The following PDE4D variants were observed in gnomAD, a reference collection of about 807,000 sequenced individuals.
PDE4D encodes phosphodiesterase 4D.
In PDE4D, 24 loss-of-function variants were observed where a neutral mutation model predicts 87.4. The ratio of observed to expected loss-of-function variants is 0.27; its 90% confidence interval spans 0.20 to 0.39. The LOEUF (loss-of-function observed/expected upper bound fraction) is 0.39. PDE4D is among the 10% of genes least tolerant of loss of function. The probability of loss-of-function intolerance (pLI) is 1.00; values close to 1 mark genes in which losing one functional copy is unlikely to be tolerated. For synonymous variants in PDE4D, 384 were observed against 383.2 expected (o/e 1.00, Z -0.02); for missense variants, 714 against 1,041.0 (o/e 0.69, Z 4.32).
intron 1 of PDE4D, among the ~76,000 whole-genome samples, chr5:59,470,714 G>T (rs1477894772): frequency 6.6e-6 from 1 of 151,922 alleles, no homozygotes; most frequent in Non-Finnish European, 1.5e-5. Flanking sequence ...ATATTTCTCT[G>T]CTTTAGACAT....
intron 1 of PDE4D, among the ~76,000 whole-genome samples, chr5:59,753,430 G>A (rs1298808083): frequency 2.6e-5 from 4 of 152,194 alleles, no homozygotes; most frequent in South Asian, 2.1e-4. Context: ...AAAAAGGGGG[G>A]CACAGTAAGC....
intron 1 of PDE4D, among the ~76,000 whole-genome samples, chr5:59,876,806 T>C (rs1264141520): frequency 6.6e-6 from 1 of 152,226 alleles, no homozygotes; most frequent in African/African-American, 2.4e-5. Context: ...TCAGTAATAT[T>C]ATCTTAGGAA....
chr5:59,125,547 A>T (rs1015410649), intron 5 of PDE4D, among the ~76,000 whole-genome samples: 5 of 152,146 alleles, frequency 3.3e-5, no homozygotes, highest in African/African-American at 1.2e-4. Flanking sequence ...TGCCTGGTGC[A>T]AAGGGGGCCT....
At chr5:60,478,902 C>T (rs1406841552) in intron 1 of PDE4D, among the ~76,000 whole-genome samples, 3 of 152,108 alleles carry the variant, frequency 2.0e-5, no homozygotes, top group Non-Finnish European at 2.9e-5. Flanking sequence ...TGAACCAAAT[C>T]GAGAACATTA....
At chr5:60,051,751 T>A (rs534832444) in intron 2 of PDE4D, among the ~76,000 whole-genome samples, 1 of 151,668 alleles carries the variant, frequency 6.6e-6, no homozygotes, top group South Asian at 2.1e-4. Flanking sequence ...ATCCAGGAGC[T>A]GTTTTTTTTT....
At chr5:59,293,709 C>A (rs1255812821) in intron 1 of PDE4D, among the ~76,000 whole-genome samples, 1 of 152,142 alleles carries the variant, frequency 6.6e-6, no homozygotes, top group Non-Finnish European at 1.5e-5. Flanking sequence ...AATAACAAGG[C>A]CTCAGTAATG....
At chr5:59,565,670 C>T (rs1256942103) in intron 1 of PDE4D, among the ~76,000 whole-genome samples, 4 of 152,218 alleles carry the variant, frequency 2.6e-5, no homozygotes, top group Non-Finnish European at 5.9e-5. Flanking sequence ...GCACCTGATG[C>T]TCCTTGGCTT....
At chr5:59,022,976 C>T (rs1176533451) in intron 6 of PDE4D, among the ~76,000 whole-genome samples, 1 of 152,138 alleles carries the variant, frequency 6.6e-6, no homozygotes, top group East Asian at 1.9e-4. Flanking sequence ...GAGTTCGAGA[C>T]CAGCCTGGCC....
At chr5:59,274,725 C>T (rs1022089761) in intron 1 of PDE4D, among the ~76,000 whole-genome samples, 6 of 151,918 alleles carry the variant, frequency 3.9e-5, no homozygotes, top group African/African-American at 1.4e-4. Context: ...AATAATAGAA[C>T]ATTAGAATAC....
At chr5:59,386,614 C>T (rs909105123) in intron 1 of PDE4D, among the ~76,000 whole-genome samples, 2 of 141,890 alleles carry the variant, frequency 1.4e-5, no homozygotes, top group Admixed American at 1.5e-4. Flanking sequence ...CCAGGTACTC[C>T]AGCCTGGGGC....
chr5:59,373,240 C>T lies in PDE4D; in HGVS notation c.456-157272G>A, dbSNP rs1243526209. 2.6e-5 allele frequency among the ~76,000 whole-genome samples: 4 copies of T among 152,156 alleles called. No individual in the cohort carries two copies. In the South Asian group the frequency reaches 8.3e-4, roughly 32 times the overall value. ...GATTGGAATGAAGATCATTGAAGTA[C>T]AGGAGTATGTTGAAACCCAACGGAA... On this transcript the variant is annotated intron_variant, in intron 1 of 14. Coordinates refer to ENST00000340635, the MANE Select transcript of PDE4D (RefSeq NM_001104631.2).
At chr5:59,575,100 C>CAG (rs1822908757) in intron 1 of PDE4D, among the ~76,000 whole-genome samples, 1 of 152,052 alleles carries the variant, frequency 6.6e-6, no homozygotes, top group Non-Finnish European at 1.5e-5. Flanking sequence ...CCAGATGAGG[C>CAG]AGAGCTTTAT....
chr5:59,724,434 G>C (rs1032347127), intron 1 of PDE4D, among the ~76,000 whole-genome samples: 2 of 151,984 alleles, frequency 1.3e-5, no homozygotes, highest in African/African-American at 4.8e-5. Context: ...ATTTTGTAGG[G>C]GTGTACAGAT....
At chr5:59,199,863 C>T (rs1222157558) in intron 2 of PDE4D, among the ~76,000 whole-genome samples, 1 of 151,556 alleles carries the variant, frequency 6.6e-6, no homozygotes, top group Non-Finnish European at 1.5e-5. Flanking sequence ...CATACATGTA[C>T]ATATATACAT....
At chr5:59,721,768 A>G (rs1292147949) in intron 1 of PDE4D, among the ~76,000 whole-genome samples, 1 of 152,222 alleles carries the variant, frequency 6.6e-6, no homozygotes, top group African/African-American at 2.4e-5. Context: ...ACTATAAACT[A>G]TAAAGCAATC....
Position 59,282,437 on chromosome 5 carries a change from T to G in PDE4D, c.456-66469A>C, listed in dbSNP as rs187745501. Among the ~76,000 whole-genome samples the G allele has an allele frequency of 4.0e-3, 602 of 151,978 alleles. 3 individuals are homozygous for G. The highest frequency in any genetic ancestry group is 0.014 in the African/African-American group (569 of 41,472). ...GGGTGGATCACCTGAGGTCAGGAGT[T>G]TGAGACCAGCCTGGCAAACATGGTG... On this transcript the variant is annotated intron_variant, in intron 1 of 14. Transcript: ENST00000340635.
intron 2 of PDE4D, among the ~76,000 whole-genome samples, chr5:60,025,874 C>T (rs1032578042): frequency 6.6e-6 from 1 of 152,076 alleles, no homozygotes; most frequent in Non-Finnish European, 1.5e-5. Flanking sequence ...ACAGTGAGAC[C>T]CTGTCTCAGA....
intron 1 of PDE4D, among the ~76,000 whole-genome samples, chr5:60,242,815 T>C (rs938990473): frequency 1.3e-5 from 2 of 151,924 alleles, no homozygotes; most frequent in Non-Finnish European, 2.9e-5. Flanking sequence ...CCAAAACCTA[T>C]GGGATACAGC....
chr5:59,140,976 G>A (rs1777810325), intron 5 of PDE4D, among the ~76,000 whole-genome samples: 1 of 152,126 alleles, frequency 6.6e-6, no homozygotes. Context: ...TTAAAATCAG[G>A]AATGATCTTC....
Sources: allele counts gnomAD v4.1 joint callset (sites outside exome capture counted in the v4.1 genomes callset), GRCh38; gene constraint gnomAD v4.1.1; transcripts MANE v1.5; gene names NCBI Gene and HGNC (gene_info 2026-07-23, HGNC 2026-07-21).